The following ZSWIM6 variants were observed in gnomAD, a reference collection of about 807,000 sequenced individuals.
ZSWIM6 encodes the protein zinc finger SWIM domain-containing protein 6.
In ZSWIM6, 9 loss-of-function variants were observed where a neutral mutation model predicts 113.2. The ratio of observed to expected loss-of-function variants is 0.08; its 90% CI spans 0.05 to 0.14. ZSWIM6 has a LOEUF of 0.14. Ranked by LOEUF, ZSWIM6 falls within the 10% of genes least tolerant of loss-of-function variation. ZSWIM6 has a pLI of 1.00. For missense variants in ZSWIM6, 1,162 were observed against 1,552.2 expected (o/e 0.75, Z 4.22); for synonymous variants, 611 against 606.5 (o/e 1.01, Z -0.11).
intron 1 of ZSWIM6, among the ~76,000 whole-genome samples, chr5:61,370,322 GA>G (rs1745240419): frequency 6.6e-6 from 1 of 152,186 alleles, no homozygotes. Flanking sequence ...AAGATACTGG[GA>G]AATGGGAAAA....
chr5:61,463,564 A>G (rs777608677), intron 1 of ZSWIM6, among the ~76,000 whole-genome samples: 4 of 152,176 alleles, frequency 2.6e-5, no homozygotes, highest in Non-Finnish European at 4.4e-5. Context: ...CCACCGATCT[A>G]TATGTTCCAC....
intron 1 of ZSWIM6, among the ~76,000 whole-genome samples, chr5:61,417,293 A>G (rs992073383): frequency 6.6e-6 from 1 of 152,246 alleles, no homozygotes; most frequent in Non-Finnish European, 1.5e-5. Flanking sequence ...CTGCCTCAAT[A>G]TATATTATCT....
intron 1 of ZSWIM6, among the ~76,000 whole-genome samples, chr5:61,352,885 G>C (rs1425219337): frequency 6.6e-6 from 1 of 152,150 alleles, no homozygotes; most frequent in African/African-American, 2.4e-5. Context: ...CACATGCATA[G>C]GTCAGTTCTC....
rs1292923058 is a variant in ZSWIM6, at chr5:61,353,758, CAT to C, written c.676+20812_676+20813del. Among the ~76,000 whole-genome samples, 13 of 149,814 alleles carry C rather than the reference CAT, an allele frequency of 8.7e-5. 2 individuals carry two copies. Among genetic ancestry groups the C allele is most frequent in the African/African-American group, 2.0e-4 (8 of 40,548 alleles). ...TAATTTCAGTCACAACATTTAGTGA[CAT>C]AAATACTTTGACTTGAAACAATTAC... On this transcript the variant is annotated intron_variant, in intron 1 of 13. Transcript: ENST00000252744.
chr5:61,437,021 A>G (rs193063741), intron 1 of ZSWIM6, among the ~76,000 whole-genome samples: 4 of 152,298 alleles, frequency 2.6e-5, no homozygotes, highest in Admixed American at 2.0e-4. Flanking sequence ...AACTGAGAGT[A>G]TGAGCATCTG....
intron 1 of ZSWIM6, among the ~76,000 whole-genome samples, chr5:61,359,461 CAGAGAAA>C (rs1744986365): frequency 6.6e-6 from 1 of 152,110 alleles, no homozygotes; most frequent in Admixed American, 6.6e-5. Context: ...AAGCTGCAAG[CAGAGAAA>C]TCCCTGGGGA....
chr5:61,411,285 G>A (rs1405414134), intron 1 of ZSWIM6, among the ~76,000 whole-genome samples: 3 of 152,168 alleles, frequency 2.0e-5, no homozygotes, highest in Non-Finnish European at 4.4e-5. Context: ...ACTTAAGTGT[G>A]ACTCAATTGT....
At position 61,366,584 on chromosome 5, in the gene ZSWIM6, C is replaced by T. The variant is rs574675021; in HGVS notation, c.676+33636C>T. On this transcript the variant is annotated intron_variant, in intron 1 of 13. Transcript: ENST00000252744. ...AAATTGTTTTAGAAAGTTTAGCCTTCTAGTTTGTAGTGTATTTAGCTTTCT... is the reference window on the plus strand; with the variant it reads ...AAATTGTTTTAGAAAGTTTAGCCTTTTAGTTTGTAGTGTATTTAGCTTTCT... Among the ~76,000 whole-genome samples, 5 of 152,328 alleles carry T rather than the reference C, an allele frequency of 3.3e-5. No homozygotes were observed. The South Asian group carries it at 1.0e-3, about 32-fold the overall frequency.
chr5:61,535,052 G>T (rs1005636958), intron 9 of ZSWIM6, among the ~76,000 whole-genome samples: 2 of 152,238 alleles, frequency 1.3e-5, no homozygotes, highest in African/African-American at 4.8e-5. Context: ...TGGCATATTT[G>T]TGTCCCTAAC....
intron 1 of ZSWIM6, among the ~76,000 whole-genome samples, chr5:61,463,256 T>C (rs1307732743): frequency 6.6e-6 from 1 of 152,256 alleles, no homozygotes; most frequent in Non-Finnish European, 1.5e-5. Flanking sequence ...TTTGTAATGC[T>C]CAGACCAGTT....
intron 1 of ZSWIM6, among the ~76,000 whole-genome samples, chr5:61,356,271 C>CT (rs1308123409): frequency 6.6e-6 from 1 of 152,144 alleles, no homozygotes; most frequent in Non-Finnish European, 1.5e-5. Context: ...GCTTCAAACA[C>CT]TTTTTTTAAG....
rs751354754 is a variant in ZSWIM6, at chr5:61,538,857, C to G, written c.2425C>G (p.Arg809Gly). Residue 809 changes from arginine to glycine, a missense_variant, in exon 11 of 14, where the codon CGC (arginine) becomes GGC (glycine). Arg to Gly is a moderately radical substitution (Grantham distance 125). Around this residue, in one of 4 missense-constraint regions of ZSWIM6, gnomAD observed 620 missense variants for 804.6 expected, o/e 0.77. Coordinates refer to ENST00000252744, the MANE Select transcript of ZSWIM6 (RefSeq NM_020928.2). ...TACTGCTCCATCAGGAGACCTCACC[C>G]GCCCACACCACATTGCATCAGTTGT... ...ESTAPSGDLT[R>G]PHHIASVVPN... 6.4e-7 allele frequency: 1 copy of G among 1,552,292 alleles called. No homozygotes were observed. Among genetic ancestry groups the G allele is most frequent in the Admixed American group, 2.0e-5 (1 of 51,004 alleles).
intron 1 of ZSWIM6, among the ~76,000 whole-genome samples, chr5:61,447,120 T>C (rs1258241348): frequency 6.6e-6 from 1 of 152,106 alleles, no homozygotes; most frequent in East Asian, 1.9e-4. Context: ...GGCCCAACCC[T>C]GCTTAGAACA....
intron 1 of ZSWIM6, among the ~76,000 whole-genome samples, chr5:61,339,594 TAAACTC>T (rs1212944541): frequency 2.0e-5 from 3 of 152,218 alleles, no homozygotes; most frequent in Non-Finnish European, 4.4e-5. Flanking sequence ...GGGCAATCAT[TAAACTC>T]AAACTGTTGT....
intron 1 of ZSWIM6, among the ~76,000 whole-genome samples, chr5:61,468,802 A>C (rs1240669825): frequency 6.6e-6 from 1 of 152,210 alleles, no homozygotes; most frequent in African/African-American, 2.4e-5. Flanking sequence ...AAGATTTCTC[A>C]AATTGGAGAG....
chr5:61,505,357 T>G (rs1294815418), intron 4 of ZSWIM6, among the ~76,000 whole-genome samples: 1 of 152,120 alleles, frequency 6.6e-6, no homozygotes, highest in Non-Finnish European at 1.5e-5. Context: ...TTTCCTTAAC[T>G]CTCTCCTTCC....
intron 1 of ZSWIM6, among the ~76,000 whole-genome samples, chr5:61,364,397 C>T (rs1745109129): frequency 6.6e-6 from 1 of 151,978 alleles, no homozygotes; most frequent in Admixed American, 6.6e-5. Context: ...TTTTGTGTAG[C>T]CTGCAAACTA....
At chr5:61,404,056 G>A (rs1745995798) in intron 1 of ZSWIM6, among the ~76,000 whole-genome samples, 1 of 150,110 alleles carries the variant, frequency 6.7e-6, no homozygotes, top group African/African-American at 2.5e-5. Context: ...CGCCCAGGCT[G>A]GAGTGCAGTG....
intron 12 of ZSWIM6, among the ~76,000 whole-genome samples, chr5:61,539,976 C>T (rs946623713): frequency 6.6e-6 from 1 of 151,370 alleles, no homozygotes; most frequent in African/African-American, 2.4e-5. Flanking sequence ...ATTTAGCAGC[C>T]TAATTTGTGT....
Sources: gnomAD v4.1 joint callset for allele counts (sites outside exome capture counted in the v4.1 genomes callset) on GRCh38, gnomAD v4.1.1 for gene constraint, gnomAD v4.1.1 regional missense constraint, MANE v1.5 for transcripts, NCBI Gene and HGNC (gene_info 2026-07-23, HGNC 2026-07-21) for gene names.